The following BLTP3B variants were observed in gnomAD, a reference collection of about 807,000 sequenced individuals.
BLTP3B encodes the protein UHRF1 (ICBP90) binding protein 1-like.
chr12:100,089,971 G>C, the BLTP3B span, among the ~76,000 whole-genome samples: 18 of 152,266 alleles, frequency 1.2e-4, no homozygotes, highest in African/African-American at 3.8e-4. Context: ...TGCTTTTGCA[G>C]CTTCCTCATT....
the BLTP3B span, among the ~76,000 whole-genome samples, chr12:100,109,696 G>C: frequency 1.3e-5 from 2 of 151,812 alleles, no homozygotes; most frequent in African/African-American, 2.4e-5. Context: ...AGTCCAGGAG[G>C]TGGAGAATGC....
At chr12:100,065,890 A>AC in the BLTP3B span, among the ~76,000 whole-genome samples, 1 of 151,398 alleles carries the variant, frequency 6.6e-6, no homozygotes, top group Non-Finnish European at 1.5e-5. Flanking sequence ...CTGTTCATAC[A>AC]CCCCCTCCCC....
At chr12:100,048,160 G>C in the BLTP3B span, 8 of 1,603,896 alleles carry the variant, frequency 5.0e-6, no homozygotes, top group Non-Finnish European at 6.8e-6. Flanking sequence ...AATCTCAGGA[G>C]AGGATTTGGA....
At chr12:100,083,188 ACT>A in the BLTP3B span, 1 of 1,306,334 alleles carries the variant, frequency 7.7e-7, no homozygotes, top group Non-Finnish European at 1.1e-6. Context: ...TTTAACAGTC[ACT>A]CTTTTATTAT....
chr12:100,113,669 A>G, the BLTP3B span, among the ~76,000 whole-genome samples: 49 of 151,850 alleles, frequency 3.2e-4, no homozygotes, highest in Non-Finnish European at 6.2e-4. Context: ...ATTAAGACTA[A>G]GATATAGGCC....
the BLTP3B span, among the ~76,000 whole-genome samples, chr12:100,140,729 A>AAAAAAAAAATATATAT: frequency 1.6e-5 from 1 of 61,492 alleles, no homozygotes; most frequent in African/African-American, 1.0e-4. Flanking sequence ...AAAAAAAAAA[A>AAAAAAAAAATATATAT]ATATATATAT....
At chr12:100,123,232 T>G in the BLTP3B span, among the ~76,000 whole-genome samples, 1 of 152,160 alleles carries the variant, frequency 6.6e-6, no homozygotes, top group Non-Finnish European at 1.5e-5. Flanking sequence ...GACACCAATC[T>G]GGGTGCTTGG....
chr12:100,046,168 C>A, the BLTP3B span, among the ~76,000 whole-genome samples: 1 of 152,054 alleles, frequency 6.6e-6, no homozygotes, highest in Non-Finnish European at 1.5e-5. Context: ...GACAGTGTGG[C>A]GATTCCTCAA....
the BLTP3B span, chr12:100,072,833 T>A: frequency 6.3e-7 from 1 of 1,578,574 alleles, no homozygotes; most frequent in Non-Finnish European, 8.5e-7. Context: ...TAAATAAGTT[T>A]ACTGAAATCA....
At chr12:100,039,731 C>T in the BLTP3B span, 1 of 1,613,404 alleles carries the variant, frequency 6.2e-7, no homozygotes, top group Middle Eastern at 1.7e-4. Context: ...TGGTCAGCAG[C>T]ACTGAATCGC....
the BLTP3B span, chr12:100,102,665 G>T: frequency 3.9e-6 from 3 of 765,858 alleles, no homozygotes; most frequent in African/African-American, 3.7e-5. Flanking sequence ...TTTGATGGGA[G>T]AGCTGACTGA....
At chr12:100,112,573 G>A in the BLTP3B span, among the ~76,000 whole-genome samples, 2 of 151,892 alleles carry the variant, frequency 1.3e-5, no homozygotes, top group African/African-American at 2.4e-5. Context: ...GAAAAAAGTA[G>A]ACTTGATTTA....
At chr12:100,128,960 T>A in the BLTP3B span, among the ~76,000 whole-genome samples, 1 of 152,156 alleles carries the variant, frequency 6.6e-6, no homozygotes, top group Non-Finnish European at 1.5e-5. Flanking sequence ...TACATTCACA[T>A]TATCTTTTTA....
chr12:100,131,463 T>C, the BLTP3B span, among the ~76,000 whole-genome samples: 1 of 152,040 alleles, frequency 6.6e-6, no homozygotes, highest in Admixed American at 6.6e-5. Context: ...ATCTCTTTCT[T>C]AGTAGTATTT....
At chr12:100,112,746 G>A in the BLTP3B span, among the ~76,000 whole-genome samples, 6 of 150,928 alleles carry the variant, frequency 4.0e-5, no homozygotes. Context: ...AAAAAGCCAA[G>A]AATCTCAGGA....
the BLTP3B span, among the ~76,000 whole-genome samples, chr12:100,038,695 A>C: frequency 6.6e-6 from 1 of 152,178 alleles, no homozygotes; most frequent in Non-Finnish European, 1.5e-5. Context: ...ACTTAGTTCA[A>C]GTATTTTATC....
chr12:100,078,519 G>A, the BLTP3B span, among the ~76,000 whole-genome samples: 1 of 152,302 alleles, frequency 6.6e-6, no homozygotes, highest in African/African-American at 2.4e-5. Flanking sequence ...GCAGGGTGGA[G>A]CTGGCCACAC....
At chr12:100,137,004 T>A in the BLTP3B span, among the ~76,000 whole-genome samples, 1 of 151,992 alleles carries the variant, frequency 6.6e-6, no homozygotes, top group African/African-American at 2.4e-5. Flanking sequence ...AGAGACAGGG[T>A]TTCACCGTGT....
chr12:100,043,003 T>C, the BLTP3B span, among the ~76,000 whole-genome samples: 1 of 152,186 alleles, frequency 6.6e-6, no homozygotes, highest in African/African-American at 2.4e-5. Flanking sequence ...TTCACCATGT[T>C]GGCCAGGCTG....
Sources: allele counts gnomAD v4.1 joint callset (sites outside exome capture counted in the v4.1 genomes callset), GRCh38; gene constraint gnomAD v4.1.1; transcripts MANE v1.5; gene names NCBI Gene and HGNC (gene_info 2026-07-23, HGNC 2026-07-21).